Variants in PCNX2 observed in about 807,000 individuals in gnomAD.
PCNX2 encodes pecanex-like protein 2.
In PCNX2, 168 loss-of-function variants were observed where a neutral mutation model predicts 223.8. The ratio of observed to expected loss-of-function variants is 0.75; its 90% CI spans 0.66 to 0.85. The LOEUF is 0.85. PCNX2 is among the 40% of genes least tolerant of loss of function. PCNX2 has a pLI of 0.00. For synonymous variants in PCNX2, 1,006 were observed against 1,052.6 expected (o/e 0.96, Z 0.86); for missense variants, 2,507 against 2,675.5 (o/e 0.94, Z 1.39).
chr1:233,110,423 T>C (rs917716198), intron 21 of PCNX2, among the ~76,000 whole-genome samples: 1 of 152,048 alleles, frequency 6.6e-6, no homozygotes, highest in Non-Finnish European at 1.5e-5. Flanking sequence ...TAGAATTCTA[T>C]TCCCAGCAAA....
intron 13 of PCNX2, among the ~76,000 whole-genome samples, chr1:233,204,038 C>T (rs1471345191): frequency 6.6e-6 from 1 of 152,156 alleles, no homozygotes; most frequent in African/African-American, 2.4e-5. Context: ...TATGTTCCCA[C>T]AAAAGATGTT....
chr1:233,200,212 G>C lies in PCNX2; in HGVS notation c.2916C>G (p.Ile972Met). The C allele has an allele frequency of 6.3e-7, 1 of 1,594,688 alleles. No homozygotes were observed. The change falls in exon 14 of 34, where the codon ATC becomes ATG. Residue 972 changes from isoleucine (I) to methionine (M), a missense_variant. By Grantham distance (10) the Ile-to-Met change is conservative. Coordinates refer to ENST00000258229, the MANE Select transcript of PCNX2 (RefSeq NM_014801.4). ...AISLLGLFPQ[I>M]NTFCTYLLEQ... ...CCAAAAGATAAGTGCAGAAAGTGTTGATTTGCGGGAAGAGCCCAAGGAGGG... is the reference window on the plus strand; with the variant it reads ...CCAAAAGATAAGTGCAGAAAGTGTTCATTTGCGGGAAGAGCCCAAGGAGGG...
rs147848675 is a variant in PCNX2 at position 233,037,259 on chromosome 1, C to A, written c.4352-11860G>T. ...ACGGAATGGGTTCAGTTCTTTATTA[C>A]CTTAGTGGCAACTTCTCCCCTAGTT... On this transcript the variant is annotated intron_variant, in intron 25 of 33. Coordinates refer to ENST00000258229, the MANE Select transcript of PCNX2 (RefSeq NM_014801.4). Among the ~76,000 whole-genome samples, 106 of 152,234 alleles carry A rather than the reference C, an allele frequency of 7.0e-4. No homozygotes were observed. The Middle Eastern group carries it at 0.01, about 15-fold the overall frequency.
At chr1:233,068,704 A>G (rs1672723646) in intron 23 of PCNX2, among the ~76,000 whole-genome samples, 1 of 152,104 alleles carries the variant, frequency 6.6e-6, no homozygotes, top group Admixed American at 6.5e-5. Context: ...ACTAAAAGAT[A>G]CACTCAAAAA....
At chr1:233,319,708 A>T in the PCNX2 span, among the ~76,000 whole-genome samples, 39 of 152,188 alleles carry the variant, frequency 2.6e-4, no homozygotes, top group Non-Finnish European at 3.8e-4. Flanking sequence ...CAATTCTCAA[A>T]TTTTTTTGAT....
At chr1:233,250,518 T>C (rs1659391508) in intron 8 of PCNX2, 1 of 960,118 alleles carries the variant, frequency 1.0e-6, no homozygotes, top group African/African-American at 1.8e-5. Flanking sequence ...TACCTACATG[T>C]TATCTTCATT....
rs551085597 is a variant in PCNX2 at position 232,999,823 on chromosome 1, C to A, written c.5329-444G>T. On this transcript the variant is annotated intron_variant, in intron 30 of 33. Transcript: ENST00000258229. ...CAGTTAAGCCAGAAGAGCCATCCTGCAAGACGGATATGATGCCATCTTCAT... is the reference window on the plus strand; with the variant it reads ...CAGTTAAGCCAGAAGAGCCATCCTGAAAGACGGATATGATGCCATCTTCAT... 2.7e-3 allele frequency among the ~76,000 whole-genome samples: 412 copies of A among 152,272 alleles called. 2 individuals carry two copies. The highest frequency in any genetic ancestry group is 9.4e-3 in the African/African-American group (391 of 41,544).
intron 21 of PCNX2, among the ~76,000 whole-genome samples, chr1:233,113,686 C>G (rs1242603456): frequency 6.6e-6 from 1 of 152,196 alleles, no homozygotes; most frequent in African/African-American, 2.4e-5. Context: ...GGTGTGTGTT[C>G]TTTGTTTTCA....
intron 19 of PCNX2, among the ~76,000 whole-genome samples, chr1:233,153,007 C>T (rs1677910405): frequency 6.6e-6 from 1 of 152,216 alleles, no homozygotes; most frequent in Non-Finnish European, 1.5e-5. Context: ...AAGGCTGGGC[C>T]ATAACATTAT....
intron 16 of PCNX2, among the ~76,000 whole-genome samples, chr1:233,178,189 C>T (rs1279535519): frequency 6.6e-6 from 1 of 152,196 alleles, no homozygotes; most frequent in African/African-American, 2.4e-5. Flanking sequence ...ACTAGGGCTT[C>T]ATCTTCACAA....
intron 15 of PCNX2, 132 bp downstream of exon 15, chr1:233,198,807 G>A: frequency 1.1e-6 from 1 of 934,270 alleles, no homozygotes; most frequent in Non-Finnish European, 1.6e-6. Context: ...GCCTCACTCA[G>A]CCACACAGTC....
chr1:233,032,441 A>T (rs978973093), intron 25 of PCNX2, among the ~76,000 whole-genome samples: 1 of 152,216 alleles, frequency 6.6e-6, no homozygotes, highest in Non-Finnish European at 1.5e-5. Flanking sequence ...GAAAAAGCAT[A>T]AAGAAGGATT....
chr1:233,098,776 C>T (rs189561615), intron 21 of PCNX2, among the ~76,000 whole-genome samples: 11 of 152,274 alleles, frequency 7.2e-5, no homozygotes, highest in Admixed American at 1.3e-4. Flanking sequence ...CTTAAGGGCA[C>T]GCTGCCTGAG....
the PCNX2 span, among the ~76,000 whole-genome samples, chr1:233,311,749 CA>C: frequency 6.6e-6 from 1 of 151,932 alleles, no homozygotes; most frequent in Non-Finnish European, 1.5e-5. Flanking sequence ...AAAATAATAA[CA>C]AAAAACCCAG....
intron 1 of PCNX2, among the ~76,000 whole-genome samples, chr1:233,292,819 C>T (rs200690621): frequency 1.4e-4 from 21 of 152,124 alleles, no homozygotes; most frequent in East Asian, 5.8e-4. Flanking sequence ...TTTTTAATAA[C>T]GCAGGCTATA....
At chr1:233,136,377 A>T (rs568950177) in intron 20 of PCNX2, among the ~76,000 whole-genome samples, 94 of 152,296 alleles carry the variant, frequency 6.2e-4, no homozygotes, top group Non-Finnish European at 1.2e-3. Context: ...GAGGTTATTT[A>T]AGAAGTACAA....
chr1:233,164,827 G>T (rs554412351), intron 17 of PCNX2, among the ~76,000 whole-genome samples: 29 of 152,068 alleles, frequency 1.9e-4, no homozygotes, highest in African/African-American at 6.3e-4. Flanking sequence ...ATCTAAAAAA[G>T]CCAATCTCAT....
chr1:233,233,320 A>C (rs971192667), intron 9 of PCNX2, among the ~76,000 whole-genome samples: 1 of 152,164 alleles, frequency 6.6e-6, no homozygotes, highest in Non-Finnish European at 1.5e-5. Context: ...AGTTCAAACA[A>C]CAGGTTTTCA....
intron 21 of PCNX2, among the ~76,000 whole-genome samples, chr1:233,102,679 T>C (rs1410909293): frequency 2.0e-5 from 3 of 152,176 alleles, no homozygotes; most frequent in African/African-American, 7.2e-5. Context: ...GAAATGTCTA[T>C]TCAGAACTTT....
Sources: allele counts gnomAD v4.1 joint callset (sites outside exome capture counted in the v4.1 genomes callset), GRCh38; gene constraint gnomAD v4.1.1; transcripts MANE v1.5; gene names NCBI Gene and HGNC (gene_info 2026-07-23, HGNC 2026-07-21).